Variants in MTRR observed in about 807,000 individuals in gnomAD.
MTRR encodes the protein methionine synthase reductase.
Under a neutral mutation model 79.2 loss-of-function variants are expected in MTRR, and 63 were observed. That is an observed-to-expected ratio of 0.80 (90% CI 0.65 to 0.98). The LOEUF (loss-of-function observed/expected upper bound fraction) is 0.98. Among genes scored for constraint, MTRR ranks in the 50% least tolerant of loss-of-function variants. The probability of loss-of-function intolerance (pLI) is 0.00; values close to 1 mark genes in which losing one functional copy is unlikely to be tolerated. For synonymous variants in MTRR, 355 were observed against 313.3 expected (o/e 1.13, Z -1.41); for missense variants, 895 against 839.6 (o/e 1.07, Z -0.82).
At chr5:7,859,497 A>G (rs543899644) in intron 1 of MTRR, 10 of 1,606,772 alleles carry the variant, frequency 6.2e-6, no homozygotes, top group Admixed American at 1.7e-5. Flanking sequence ...TATTCCACCA[A>G]TTCACGTCTT....
chr5:7,854,707 A>G (rs1380431675), intron 1 of MTRR, among the ~76,000 whole-genome samples: 1 of 152,130 alleles, frequency 6.6e-6, no homozygotes, highest in Non-Finnish European at 1.5e-5. Context: ...CCCACAACAC[A>G]TGAGAATTAT....
intron 1 of MTRR, among the ~76,000 whole-genome samples, chr5:7,852,373 T>C (rs528404028): frequency 7.9e-5 from 12 of 152,206 alleles, no homozygotes; most frequent in African/African-American, 2.9e-4. Flanking sequence ...ACCACGCTTT[T>C]TCTCTCTCTT....
chr5:7,881,494 C>G (rs536158984), intron 5 of MTRR, among the ~76,000 whole-genome samples: 6 of 152,116 alleles, frequency 3.9e-5, no homozygotes, highest in African/African-American at 1.2e-4. Flanking sequence ...TCAAAGAGTT[C>G]AAGGGAATCT....
chr5:7,865,635 G>C (rs528848534), upstream of MTRR, among the ~76,000 whole-genome samples: 1 of 152,146 alleles, frequency 6.6e-6, no homozygotes, highest in Non-Finnish European at 1.5e-5. Context: ...CCTTCAGAGA[G>C]AATGGAGAAA....
chr5:7,885,573 TG>T, intron 6 of MTRR, 127 bp from the exon 7 acceptor site: 3 of 913,556 alleles, frequency 3.3e-6, no homozygotes, highest in South Asian at 1.7e-5. Context: ...TTTTTTTTTT[TG>T]AAATTCTATT....
intron 12 of MTRR, 169 bp from the exon 13 acceptor site, chr5:7,896,695 G>A: frequency 1.5e-6 from 1 of 656,082 alleles, no homozygotes; most frequent in Admixed American, 2.5e-5. Flanking sequence ...TGCTCGAGTG[G>A]CCATGACAGC....
upstream of MTRR, chr5:7,867,598 T>C (rs1229723550): frequency 6.2e-7 from 1 of 1,614,268 alleles, no homozygotes; most frequent in Non-Finnish European, 8.5e-7. Context: ...ACTGAAAGCA[T>C]AAAGCTTGAA....
chr5:7,878,240 C>A lies in MTRR; in HGVS notation c.698C>A (p.Pro233His). 6.2e-7 allele frequency: 1 copy of A among 1,614,128 alleles called. No individual in the cohort carries two copies. The highest frequency in any genetic ancestry group is 8.5e-7 in the Non-Finnish European group (1 of 1,180,030). Residue 233 changes from proline to histidine, a missense_variant, in exon 5 of 15, where the codon CCC (proline) becomes CAC (histidine). Coordinates refer to ENST00000440940, the MANE Select transcript of MTRR (RefSeq NM_002454.3). ...DFESSLTRSVPPLSQASLNIP... is the reference protein window; with the variant it reads ...DFESSLTRSVHPLSQASLNIP... ...GAGTCCTCACTTACCCGTTCGGTAC[C>A]CCCACTCTCACAAGCCTCTCTGAAT...
At chr5:7,867,902 T>C, upstream of MTRR, 1 of 1,614,082 alleles carries the variant, frequency 6.2e-7, no homozygotes, top group Non-Finnish European at 8.5e-7. Flanking sequence ...CTTTTTACAA[T>C]GGGCATGATG....
At position 7,889,264 on chromosome 5, in the gene MTRR, G is replaced by A; in HGVS notation, c.1316G>A (p.Ser439Asn). 2 of 1,612,724 alleles carry A rather than the reference G, an allele frequency of 1.2e-6. No individual in the cohort carries two copies. Among genetic ancestry groups the A allele is most frequent in the Non-Finnish European group, 1.7e-6 (2 of 1,179,996 alleles). Residue 439 changes from serine to asparagine, a missense_variant, in exon 9 of 15, where the codon AGT becomes AAT. Transcript: ENST00000440940. ...LAFPSCQPPL[S>N]LLLEHLPKLQ... ...TTCCCTTCTTGCCAGCCACCACTCA[G>A]TCTCCTGCTCGGTGAGTAGTCGCTT...
Position 7,889,105 on chromosome 5 carries a change from G to A in MTRR, c.1157G>A (p.Arg386Gln), listed in dbSNP as rs368943570. Residue 386 changes from arginine (R) to glutamine (Q), a missense_variant, in exon 9 of 15, where the codon CGA (arginine) becomes CAA (glutamine). Coordinates refer to ENST00000440940, the MANE Select transcript of MTRR (RefSeq NM_002454.3). ...IRAIPKKAFL[R>Q]ALVDYTSDSA... Reference sequence around the variant, plus strand: ...GGCTCCTTTTTGTAGGCATTTTTGCGAGCCCTTGTGGACTATACCAGTGAC... The same window carrying A: ...GGCTCCTTTTTGTAGGCATTTTTGCAAGCCCTTGTGGACTATACCAGTGAC... The A allele has an allele frequency of 1.8e-5, 29 of 1,613,928 alleles. No individual in the cohort carries two copies. Among genetic ancestry groups the A allele is most frequent in the East Asian group, 2.2e-5 (1 of 44,874 alleles).
At chr5:7,897,474 T>C (rs1309150008) in intron 14 of MTRR, among the ~76,000 whole-genome samples, 3 of 152,244 alleles carry the variant, frequency 2.0e-5, no homozygotes, top group Admixed American at 1.3e-4. Flanking sequence ...GCATTGTACA[T>C]TCTTGGTACC....
chr5:7,863,471 A>C (rs1746698390), intron 2 of MTRR, among the ~76,000 whole-genome samples: 1 of 152,212 alleles, frequency 6.6e-6, no homozygotes, highest in African/African-American at 2.4e-5. Context: ...TGCTTAAAGA[A>C]AATGCTCATG....
chr5:7,883,397 G>A (rs957382529), intron 6 of MTRR, 120 bp downstream of exon 6: 63 of 1,335,246 alleles, frequency 4.7e-5, no homozygotes, highest in Non-Finnish European at 3.0e-5. Context: ...GCTGAGTTGT[G>A]TGCGGCTTGG....
At chr5:7,884,135 G>T (rs1447542639) in intron 6 of MTRR, among the ~76,000 whole-genome samples, 1 of 152,124 alleles carries the variant, frequency 6.6e-6, no homozygotes, top group African/African-American at 2.4e-5. Flanking sequence ...CTGCACTCCA[G>T]CCTGGGTGAC....
chr5:7,890,299 C>T (rs1737329353), intron 9 of MTRR: 8 of 985,156 alleles, frequency 8.1e-6, no homozygotes, highest in Non-Finnish European at 9.6e-6. Flanking sequence ...ATGCTAAGAC[C>T]GTGTTGCTGA....
At chr5:7,861,605 CTG>C in intron 1 of MTRR, 2 of 1,602,798 alleles carry the variant, frequency 1.2e-6, no homozygotes, top group Non-Finnish European at 1.7e-6. Flanking sequence ...TCTTCATTAG[CTG>C]TGGATGGCAA....
intron 7 of MTRR, 136 bp from the exon 8 acceptor site, chr5:7,886,479 A>G (rs1736455613): frequency 4.1e-6 from 3 of 723,610 alleles, no homozygotes; most frequent in East Asian, 2.7e-5. Flanking sequence ...TTTTGGCTGA[A>G]TAAACATTGC....
chr5:7,874,358 T>C (rs1410979148), intron 3 of MTRR, among the ~76,000 whole-genome samples: 1 of 152,144 alleles, frequency 6.6e-6, no homozygotes, highest in Non-Finnish European at 1.5e-5. Context: ...ATATATAACA[T>C]GTTCAAGAGA....
Sources: allele counts gnomAD v4.1 joint callset (sites outside exome capture counted in the v4.1 genomes callset), GRCh38; gene constraint gnomAD v4.1.1; transcripts MANE v1.5; gene names NCBI Gene and HGNC (gene_info 2026-07-23, HGNC 2026-07-21).